The following CHN1 variants were observed in gnomAD, a reference collection of about 807,000 sequenced individuals.
CHN1 encodes the protein chimerin 1.
In CHN1, 37 loss-of-function variants were observed where a neutral mutation model predicts 59.5. The observed-to-expected ratio is 0.62, with a 90% CI of 0.48 to 0.82. The LOEUF (loss-of-function observed/expected upper bound fraction) is 0.82, where lower values mean the gene tolerates loss of function less well. CHN1 is among the 40% of genes least tolerant of loss of function. The pLI is 0.00. For synonymous variants in CHN1, 206 were observed against 200.4 expected, an observed-to-expected ratio of 1.03 and a Z score of -0.24; for missense variants, 469 against 571.0, an observed-to-expected ratio of 0.82 and a Z score of 1.82.
chr2:174,842,403 T>C (rs1686343056), intron 7 of CHN1, among the ~76,000 whole-genome samples: 1 of 152,214 alleles, frequency 6.6e-6, no homozygotes, highest in Admixed American at 6.5e-5. Flanking sequence ...TTTGTCTCCA[T>C]AGGAACTTCA....
In CHN1 at chr2:174,918,516, C is replaced by G; in HGVS notation, c.146+18G>C. The G allele has an allele frequency of 6.4e-7, 1 of 1,570,766 alleles. No individual in the cohort carries two copies. Among genetic ancestry groups the G allele is most frequent in the Non-Finnish European group, 8.7e-7 (1 of 1,155,982 alleles). ...CATATGCCAATCTATAAAACGTTTT[C>G]TAATAATCCATACTTACTCTCTTCC... On this transcript the variant is annotated intron_variant, in intron 4 of 12. Transcript: ENST00000409900.
intron 5 of CHN1, among the ~76,000 whole-genome samples, chr2:174,908,258 C>A (rs1019906205): frequency 6.6e-6 from 1 of 152,142 alleles, no homozygotes; most frequent in African/African-American, 2.4e-5. Flanking sequence ...GATACAGAAG[C>A]CCTTTTAAAT....
In CHN1 at chr2:174,984,050, C is replaced by T. The variant is rs73973664; in HGVS notation, c.19+20844G>A. ...AAAAAAGGGAGCATCTACTGCTCCA[C>T]GCAAGTTTTTTTTTTTTTCATTTTC... is the stretch of plus-strand genomic sequence containing the variant. On this transcript the variant is annotated intron_variant, in intron 1 of 12. Coordinates refer to ENST00000409900, the MANE Select transcript of CHN1 (RefSeq NM_001822.7). 4.8e-3 allele frequency among the ~76,000 whole-genome samples: 726 copies of T among 150,248 alleles called. 5 individuals carry two copies. Among genetic ancestry groups the T allele is most frequent in the African/African-American group, 0.017 (687 of 41,020 alleles).
At chr2:174,927,542 A>C (rs1394002498) in intron 3 of CHN1, among the ~76,000 whole-genome samples, 1 of 152,228 alleles carries the variant, frequency 6.6e-6, no homozygotes, top group Non-Finnish European at 1.5e-5. Context: ...ATAAATGTTA[A>C]TTCCCTTCTC....
At chr2:174,905,333 A>G (rs1688513811) in intron 5 of CHN1, among the ~76,000 whole-genome samples, 1 of 152,170 alleles carries the variant, frequency 6.6e-6, no homozygotes, top group Non-Finnish European at 1.5e-5. Context: ...ACAAGTTTCT[A>G]TTAGCCCCAA....
chr2:174,873,173 A>C (rs938192687), intron 6 of CHN1, among the ~76,000 whole-genome samples: 1 of 152,180 alleles, frequency 6.6e-6, no homozygotes, highest in African/African-American at 2.4e-5. Flanking sequence ...CATAACTGGC[A>C]ATCTCTAAGA....
chr2:174,875,155 G>T (rs903197114), intron 6 of CHN1, among the ~76,000 whole-genome samples: 1 of 152,020 alleles, frequency 6.6e-6, no homozygotes, highest in Non-Finnish European at 1.5e-5. Flanking sequence ...GATTACAGGC[G>T]TGAGCCACCA....
intron 11 of CHN1, among the ~76,000 whole-genome samples, chr2:174,805,826 A>T (rs1010766855): frequency 7.6e-6 from 1 of 131,920 alleles, no homozygotes; most frequent in African/African-American, 2.5e-5. Context: ...GGAAATACTA[A>T]CAAGTTCTCC....
At chr2:175,003,301 T>C (rs969541863) in intron 1 of CHN1, among the ~76,000 whole-genome samples, 11 of 152,262 alleles carry the variant, frequency 7.2e-5, no homozygotes, top group South Asian at 2.1e-4. Context: ...ATTTTAAAGA[T>C]ACATTATTCA....
chr2:174,807,081 A>G (rs534415443), intron 11 of CHN1, among the ~76,000 whole-genome samples: 68 of 152,300 alleles, frequency 4.5e-4, no homozygotes, highest in African/African-American at 1.5e-3. Flanking sequence ...TTTGGACAGG[A>G]AGGCTGTTTC....
At chr2:174,852,456 A>G (rs1686765684) in intron 6 of CHN1, among the ~76,000 whole-genome samples, 1 of 152,182 alleles carries the variant, frequency 6.6e-6, no homozygotes, top group Admixed American at 6.5e-5. Context: ...GAAAAATATC[A>G]CATGCTCATA....
In CHN1 at chr2:174,799,667, G is replaced by T. The variant is rs773269643; in HGVS notation, c.*449C>A. 1 of 533,288 alleles carries T rather than the reference G, an allele frequency of 1.9e-6. No individual in the cohort carries two copies. The highest frequency in any genetic ancestry group is 2.2e-5 in the Admixed American group (1 of 45,006). 33.0% of individuals were successfully genotyped at this position (533,288 alleles called of 1,614,324 possible). Reference sequence around the variant, plus strand: ...GGTTTATGGTAATGTAACAGCCAGAGGTGCTGTTTTATCCATTTGTGTGTG... The same window carrying T: ...GGTTTATGGTAATGTAACAGCCAGATGTGCTGTTTTATCCATTTGTGTGTG... On this transcript the variant is annotated 3_prime_UTR_variant, in exon 13 of 13. Transcript: ENST00000409900.
intron 5 of CHN1, among the ~76,000 whole-genome samples, chr2:174,904,200 T>C (rs1287070123): frequency 6.6e-6 from 1 of 151,276 alleles, no homozygotes; most frequent in African/African-American, 2.4e-5. Flanking sequence ...GAGGTGGAGG[T>C]TGTGGCACGA....
chr2:174,916,095 A>G (rs900849894), intron 4 of CHN1, among the ~76,000 whole-genome samples: 3 of 152,158 alleles, frequency 2.0e-5, no homozygotes, highest in Non-Finnish European at 2.9e-5. Context: ...AAGGAACTCA[A>G]CTGTTACCAA....
chr2:174,925,100 A>C (rs1454983513), intron 3 of CHN1, among the ~76,000 whole-genome samples: 1 of 152,184 alleles, frequency 6.6e-6, no homozygotes, highest in East Asian at 1.9e-4. Context: ...AAACAAACAA[A>C]AATCCTAAGG....
At chr2:174,964,719 G>C (rs1296772387) in intron 1 of CHN1, among the ~76,000 whole-genome samples, 1 of 152,136 alleles carries the variant, frequency 6.6e-6, no homozygotes, top group Non-Finnish European at 1.5e-5. Context: ...TGAATGTCAA[G>C]CATTTGTTAT....
chr2:174,983,758 G>T (rs1019981832), intron 1 of CHN1, among the ~76,000 whole-genome samples: 4 of 152,146 alleles, frequency 2.6e-5, no homozygotes, highest in African/African-American at 9.7e-5. Context: ...AACCCAGGAG[G>T]CTGAGGTTGC....
chr2:174,944,913 G>T lies in CHN1; in HGVS notation c.89C>A (p.Pro30His). 6.3e-7 allele frequency: 1 copy of T among 1,582,402 alleles called. No individual in the cohort carries two copies. The highest frequency in any genetic ancestry group is 8.6e-7 in the Non-Finnish European group (1 of 1,162,556). ...LYQLQQEAPH[P>H]RRITCTCEVE... ...CTCGCAAGTACAGGTAATTCTTCGA[G>T]GATGAGGGGCTTCCTGTTGTAGCTG... Residue 30 changes from proline to histidine, a missense_variant, in exon 3 of 13, where the codon CCT (proline) becomes CAT (histidine). By Grantham distance (77) the Pro-to-His change is moderately conservative (BLOSUM62 -2). This residue lies in a region of CHN1 where 152 missense variants were observed against 166.1 expected (regional missense o/e 0.92). Transcript: ENST00000409900.
chr2:174,840,340 A>T (rs1462771472), intron 7 of CHN1, among the ~76,000 whole-genome samples: 1 of 151,342 alleles, frequency 6.6e-6, no homozygotes, highest in Admixed American at 6.6e-5. Flanking sequence ...AATGTTTTAA[A>T]TTTTTTGTAA....
Sources: allele counts gnomAD v4.1 joint callset (sites outside exome capture counted in the v4.1 genomes callset), GRCh38; gene constraint gnomAD v4.1.1; regional missense constraint gnomAD v4.1.1; transcripts MANE v1.5; gene names NCBI Gene and HGNC (gene_info 2026-07-23, HGNC 2026-07-21).